LRRTM4: variants seen among roughly 807,000 people sequenced by gnomAD.
LRRTM4 encodes the protein leucine rich repeat transmembrane neuronal 4.
Under a neutral mutation model 47.6 loss-of-function variants are expected in LRRTM4, and 25 were observed. The ratio of observed to expected loss-of-function variants is 0.53; its 90% CI spans 0.38 to 0.73. The LOEUF (loss-of-function observed/expected upper bound fraction) is 0.73, where lower values mean the gene tolerates loss of function less well. LRRTM4 is among the 30% of genes least tolerant of loss of function. The pLI is 0.00. For synonymous variants in LRRTM4, 311 were observed against 269.5 expected (o/e 1.15, Z -1.51); for missense variants, 638 against 713.4 (o/e 0.89, Z 1.20).
intron 3 of LRRTM4, among the ~76,000 whole-genome samples, chr2:77,100,865 T>TG (rs36002343): frequency 2.0e-5 from 3 of 148,276 alleles, no homozygotes; most frequent in African/African-American, 7.6e-5. Flanking sequence ...TTTTTTTTTT[T>TG]GTGACAGAGT....
chr2:76,967,258 CTCAA>C lies in LRRTM4; in HGVS notation c.1552-218346_1552-218343del, dbSNP rs545299982. 2.1e-4 allele frequency among the ~76,000 whole-genome samples: 32 copies of C among 150,942 alleles called. 2 individuals are homozygous for C. The South Asian group carries it at 2.7e-3, about 13-fold the overall frequency. On this transcript the variant is annotated intron_variant, in intron 3 of 3. Coordinates refer to ENST00000409884, the MANE Select transcript of LRRTM4 (RefSeq NM_001134745.3). ...TCCAGACACCTCCCTGAGTTTCATG[CTCAA>C]TCAGTCAGAAAGTGCTAGAAATTGT...
intron 3 of LRRTM4, among the ~76,000 whole-genome samples, chr2:77,005,170 A>G (rs969315748): frequency 1.3e-5 from 2 of 152,050 alleles, no homozygotes; most frequent in East Asian, 1.9e-4. Context: ...TTTGAGACAG[A>G]GTCTCACTCT....
intron 3 of LRRTM4, among the ~76,000 whole-genome samples, chr2:77,404,943 A>G (rs1347565987): frequency 1.3e-5 from 2 of 152,190 alleles, no homozygotes; most frequent in East Asian, 3.9e-4. Context: ...AATGTTTCTA[A>G]TGTTTTTCAT....
At chr2:76,764,714 A>G (rs761267119) in intron 3 of LRRTM4, among the ~76,000 whole-genome samples, 47 of 152,208 alleles carry the variant, frequency 3.1e-4, no homozygotes, top group Non-Finnish European at 5.7e-4. Flanking sequence ...GAAAGTGGGA[A>G]AGAATGAAGA....
intron 3 of LRRTM4, among the ~76,000 whole-genome samples, chr2:76,765,178 GGTCGTCTATTCTATGCAT>G (rs1673409330): frequency 6.6e-6 from 1 of 152,138 alleles, no homozygotes; most frequent in African/African-American, 2.4e-5. Flanking sequence ...TGTTAGAATA[GGTCGTCTATTCTATGCAT>G]GTCACAGCAT....
intron 3 of LRRTM4, among the ~76,000 whole-genome samples, chr2:77,068,574 C>G (rs1256548407): frequency 6.6e-6 from 1 of 152,176 alleles, no homozygotes; most frequent in Non-Finnish European, 1.5e-5. Flanking sequence ...CATTTTCTGT[C>G]TGGCTTCCTT....
At chr2:77,363,632 A>T (rs756078444) in intron 3 of LRRTM4, among the ~76,000 whole-genome samples, 9 of 152,212 alleles carry the variant, frequency 5.9e-5, no homozygotes, top group Non-Finnish European at 1.2e-4. Flanking sequence ...ATTCTGATTC[A>T]GAATTGTGAA....
intron 3 of LRRTM4, among the ~76,000 whole-genome samples, chr2:77,466,271 C>T (rs1451662124): frequency 6.6e-6 from 1 of 152,134 alleles, no homozygotes; most frequent in Non-Finnish European, 1.5e-5. Flanking sequence ...ATTCTGATTT[C>T]TAAAAGACCC....
At position 76,974,237 on chromosome 2, in the gene LRRTM4, T is replaced by TAC. The variant is rs1480645882; in HGVS notation, c.1552-225322_1552-225321insGT. Among the ~76,000 whole-genome samples the TAC allele has an allele frequency of 1.9e-3, 263 of 138,796 alleles. 7 individuals are homozygous for TAC. Among genetic ancestry groups the TAC allele is most frequent in the African/African-American group, 7.1e-3 (254 of 35,982 alleles). The allele number at this position is 138,796 out of a possible 152,430, so 91.1% of individuals were successfully genotyped here. ...ACATATATATACATACATATATATA[T>TAC]ATACATATATATATATACACACACA... is the stretch of plus-strand genomic sequence containing the variant. On this transcript the variant is annotated intron_variant, in intron 3 of 3. Transcript: ENST00000409884.
At chr2:76,793,532 G>C (rs1675092041) in intron 3 of LRRTM4, among the ~76,000 whole-genome samples, 2 of 151,950 alleles carry the variant, frequency 1.3e-5, no homozygotes, top group African/African-American at 2.4e-5. Flanking sequence ...GCATCAAAGA[G>C]CTACATTGTA....
At chr2:77,078,386 A>ACC (rs1316768642) in intron 3 of LRRTM4, among the ~76,000 whole-genome samples, 1 of 127,838 alleles carries the variant, frequency 7.8e-6, no homozygotes, top group Non-Finnish European at 1.6e-5. Flanking sequence ...ACACCCACAC[A>ACC]CACACACACA....
At position 77,359,025 on chromosome 2, in the gene LRRTM4, C is replaced by G. The variant is rs140825157; in HGVS notation, c.1551+159293G>C. On this transcript the variant is annotated intron_variant, in intron 3 of 3. Coordinates refer to ENST00000409884, the MANE Select transcript of LRRTM4 (RefSeq NM_001134745.3). ...AATTATATTAATCCTTTATTTTCATCTAATTACAATATTTTCCTAGTTTAC... is the reference window on the plus strand; with the variant it reads ...AATTATATTAATCCTTTATTTTCATGTAATTACAATATTTTCCTAGTTTAC... 1.7e-4 allele frequency among the ~76,000 whole-genome samples: 26 copies of G among 152,174 alleles called. No individual in the cohort carries two copies. The East Asian group carries it at 4.4e-3, about 26-fold the overall frequency.
rs71656252 is a variant in LRRTM4 at position 77,351,614 on chromosome 2, T to TTATATATATATATA, written c.1551+166690_1551+166703dup. On this transcript the variant is annotated intron_variant, in intron 3 of 3. Coordinates refer to ENST00000409884, the MANE Select transcript of LRRTM4 (RefSeq NM_001134745.3). ...ATGCTTTTGTGAAACCATGACAAAT[T>TTATATATATATATA]TATATATATATATATATATATATAT... Among the ~76,000 whole-genome samples the TTATATATATATATA allele has an allele frequency of 9.6e-3, 1,294 of 135,258 alleles. 22 individuals carry two copies. Among genetic ancestry groups the TTATATATATATATA allele is most frequent in the African/African-American group, 0.034 (1,220 of 35,542 alleles). 88.7% of individuals were successfully genotyped at this position (135,258 alleles called of 152,430 possible). A position where few individuals can be genotyped will look rare whatever the true frequency, so the allele number is the denominator to read the frequency against.
chr2:76,923,097 T>C (rs1391163149), intron 3 of LRRTM4, among the ~76,000 whole-genome samples: 1 of 152,138 alleles, frequency 6.6e-6, no homozygotes, highest in African/African-American at 2.4e-5. Context: ...GAAAAATGTA[T>C]ATATTGACTT....
At chr2:77,319,363 G>A (rs1677721651) in intron 3 of LRRTM4, among the ~76,000 whole-genome samples, 1 of 151,828 alleles carries the variant, frequency 6.6e-6, no homozygotes. Flanking sequence ...TTCCAGCCTA[G>A]GCTACAAGAG....
At chr2:76,946,333 G>A (rs537766998) in intron 3 of LRRTM4, among the ~76,000 whole-genome samples, 1 of 151,926 alleles carries the variant, frequency 6.6e-6, no homozygotes, top group South Asian at 2.1e-4. Context: ...AAAGTCAGAA[G>A]CCTGGTATTC....
intron 3 of LRRTM4, among the ~76,000 whole-genome samples, chr2:76,955,718 C>A (rs1675651102): frequency 6.6e-6 from 1 of 151,658 alleles, no homozygotes; most frequent in Non-Finnish European, 1.5e-5. Flanking sequence ...GAAGAAGATG[C>A]AGGATCTCAC....
chr2:77,004,338 C>T (rs565923093), intron 3 of LRRTM4, among the ~76,000 whole-genome samples: 1 of 152,298 alleles, frequency 6.6e-6, no homozygotes, highest in Admixed American at 6.5e-5. Flanking sequence ...CCCTGCATCC[C>T]AACTGCTCTA....
intron 3 of LRRTM4, among the ~76,000 whole-genome samples, chr2:77,082,683 CAT>C (rs72415313): frequency 0.17 from 26,218 of 151,744 alleles, 3,398 homozygotes; most frequent in East Asian, 0.42. Flanking sequence ...AAAATATTAA[CAT>C]AAAGTAGAGA....
Sources: allele counts gnomAD v4.1 joint callset (sites outside exome capture counted in the v4.1 genomes callset), GRCh38; gene constraint gnomAD v4.1.1; transcripts MANE v1.5; gene names NCBI Gene and HGNC (gene_info 2026-07-23, HGNC 2026-07-21).